The following OLFM3 variants were observed in gnomAD, a reference collection of about 807,000 sequenced individuals.
OLFM3 encodes olfactomedin 3, also known as noelin-3.
Under a neutral mutation model 48.6 loss-of-function variants are expected in OLFM3, and 20 were observed. That is an observed-to-expected ratio of 0.41 (90% CI 0.29 to 0.60). The LOEUF is 0.60. Among genes scored for constraint, OLFM3 ranks in the 20% least tolerant of loss-of-function variants. The probability of loss-of-function intolerance (pLI) is 0.28; values close to 1 mark genes in which losing one functional copy is unlikely to be tolerated. For missense variants in OLFM3, 437 were observed against 544.3 expected, an observed-to-expected ratio of 0.80 and a Z score of 1.96; for synonymous variants, 222 against 198.1, an observed-to-expected ratio of 1.12 and a Z score of -1.01.
chr1:101,852,998 A>C (rs1656282498), intron 1 of OLFM3, among the ~76,000 whole-genome samples: 1 of 152,088 alleles, frequency 6.6e-6, no homozygotes, highest in Non-Finnish European at 1.5e-5. Flanking sequence ...ACTTTGTATC[A>C]CTTGTTACTT....
chr1:101,893,693 C>T (rs1658090118), intron 1 of OLFM3: 1 of 161,550 alleles, frequency 6.2e-6, no homozygotes, highest in African/African-American at 2.4e-5. Flanking sequence ...TAGTCATCAT[C>T]TCTCATCCAG....
chr1:101,889,510 G>C (rs186962545), intron 1 of OLFM3, among the ~76,000 whole-genome samples: 1 of 152,224 alleles, frequency 6.6e-6, no homozygotes, highest in East Asian at 1.9e-4. Context: ...TGTGGAGTGG[G>C]TCAAGGGGGG....
At chr1:101,982,964 T>C (rs551406265) in intron 1 of OLFM3, among the ~76,000 whole-genome samples, 44 of 152,172 alleles carry the variant, frequency 2.9e-4, no homozygotes, top group Admixed American at 9.2e-4. Flanking sequence ...CAGGAGAACC[T>C]CGAATAGTAC....
chr1:101,944,334 C>A (rs1489904631), intron 1 of OLFM3, among the ~76,000 whole-genome samples: 1 of 152,032 alleles, frequency 6.6e-6, no homozygotes, highest in Admixed American at 6.6e-5. Context: ...CATATGACTT[C>A]ATTGTAATAA....
intron 3 of OLFM3, among the ~76,000 whole-genome samples, chr1:101,826,984 A>G (rs1570527748): frequency 6.6e-6 from 1 of 152,336 alleles, no homozygotes; most frequent in Non-Finnish European, 1.5e-5. Context: ...AATCTTTTCA[A>G]CAATTCATAA....
intron 1 of OLFM3, among the ~76,000 whole-genome samples, chr1:101,974,074 G>A (rs1660882982): frequency 6.7e-6 from 1 of 149,762 alleles, no homozygotes; most frequent in Admixed American, 6.7e-5. Flanking sequence ...GGTTGTTATT[G>A]ACTCTCCAGT....
intron 1 of OLFM3, among the ~76,000 whole-genome samples, chr1:101,936,866 C>T (rs1659635288): frequency 6.6e-6 from 1 of 152,134 alleles, no homozygotes; most frequent in Admixed American, 6.6e-5. Context: ...GAAATGGCTC[C>T]ATATTCAATA....
At chr1:101,992,109 G>C (rs1487843632) in intron 1 of OLFM3, among the ~76,000 whole-genome samples, 1 of 152,090 alleles carries the variant, frequency 6.6e-6, no homozygotes, top group Non-Finnish European at 1.5e-5. Context: ...ATCATCAATA[G>C]AAGAGGTAGG....
At position 101,922,871 on chromosome 1, in the gene OLFM3, A is replaced by G. The variant is rs544072831; in HGVS notation, c.69+73877T>C. On this transcript the variant is annotated intron_variant, in intron 1 of 5. Transcript: ENST00000370103. Reference sequence around the variant, plus strand: ...GTGAAATTAAATGGAAGTAATTGCTAACATATTTAGAGTTTATGATGAGGG... The same window carrying G: ...GTGAAATTAAATGGAAGTAATTGCTGACATATTTAGAGTTTATGATGAGGG... 2.6e-5 allele frequency among the ~76,000 whole-genome samples: 4 copies of G among 152,322 alleles called. No individual in the cohort carries two copies. In the East Asian group the frequency reaches 5.8e-4, roughly 22 times the overall value.
intron 1 of OLFM3, among the ~76,000 whole-genome samples, chr1:101,962,494 C>A (rs553139702): frequency 1.3e-5 from 2 of 152,052 alleles, no homozygotes; most frequent in African/African-American, 2.4e-5. Context: ...TGGATTATGA[C>A]CAAATGCAAC....
chr1:101,987,952 A>T (rs1290573184), intron 1 of OLFM3, among the ~76,000 whole-genome samples: 3 of 152,076 alleles, frequency 2.0e-5, no homozygotes, highest in African/African-American at 7.2e-5. Flanking sequence ...AAATCCAATG[A>T]ATCTGACTCC....
intron 1 of OLFM3, among the ~76,000 whole-genome samples, chr1:101,923,273 A>G (rs1444745664): frequency 6.6e-6 from 1 of 152,246 alleles, no homozygotes; most frequent in Non-Finnish European, 1.5e-5. Context: ...TTGCTTTTGA[A>G]TATTTGCTCC....
intron 1 of OLFM3, among the ~76,000 whole-genome samples, chr1:101,899,026 C>G (rs1338102340): frequency 6.6e-6 from 1 of 152,130 alleles, no homozygotes. Flanking sequence ...TACCCCAAAA[C>G]TTATTTTCTT....
intron 1 of OLFM3, among the ~76,000 whole-genome samples, chr1:101,949,699 G>A (rs1185023472): frequency 6.6e-6 from 1 of 152,138 alleles, no homozygotes; most frequent in Non-Finnish European, 1.5e-5. Context: ...GGGAGGCTGA[G>A]GCGGGTGGAT....
At chr1:101,824,268 G>A (rs191206723) in intron 4 of OLFM3, among the ~76,000 whole-genome samples, 149 of 152,166 alleles carry the variant, frequency 9.8e-4, no homozygotes, top group African/African-American at 3.4e-3. Flanking sequence ...TTAACTTGTA[G>A]CTCCTCCTTA....
chr1:101,856,000 G>T (rs539866322), intron 1 of OLFM3, among the ~76,000 whole-genome samples: 6 of 152,002 alleles, frequency 3.9e-5, no homozygotes, highest in African/African-American at 1.4e-4. Flanking sequence ...AAAATCTGGT[G>T]GTAGTAAACA....
At chr1:101,851,269 T>C (rs1226864636) in intron 1 of OLFM3, among the ~76,000 whole-genome samples, 1 of 152,164 alleles carries the variant, frequency 6.6e-6, no homozygotes, top group African/African-American at 2.4e-5. Flanking sequence ...TAAGTAAGTC[T>C]CTCAGTCTCC....
At chr1:101,887,490 A>T (rs577447037) in intron 1 of OLFM3, among the ~76,000 whole-genome samples, 9 of 152,124 alleles carry the variant, frequency 5.9e-5, no homozygotes, top group Admixed American at 4.6e-4. Context: ...AATTCTCCTT[A>T]AGAGAATTTT....
intron 1 of OLFM3, among the ~76,000 whole-genome samples, chr1:101,921,531 G>A (rs979196010): frequency 4.6e-5 from 7 of 152,152 alleles, no homozygotes; most frequent in African/African-American, 1.7e-4. Context: ...AATCCTTGGA[G>A]AAGCTTGGCT....
Sources: allele counts gnomAD v4.1 joint callset (sites outside exome capture counted in the v4.1 genomes callset), GRCh38; gene constraint gnomAD v4.1.1; transcripts MANE v1.5; gene names NCBI Gene and HGNC (gene_info 2026-07-23, HGNC 2026-07-21).